SMARCA4: variants seen among roughly 807,000 people sequenced by gnomAD.
SMARCA4 encodes the protein SWI/SNF related BAF chromatin remodeling complex subunit ATPase 4.
In SMARCA4, 31 loss-of-function variants were observed where a neutral mutation model predicts 193.9. That is an observed-to-expected ratio of 0.16 (90% CI 0.12 to 0.22). The LOEUF (loss-of-function observed/expected upper bound fraction) is 0.22. Ranked by LOEUF, SMARCA4 falls within the 10% of genes least tolerant of loss-of-function variation. SMARCA4 has a pLI of 1.00. For synonymous variants in SMARCA4, 942 were observed against 933.1 expected (o/e 1.01, Z -0.17); for missense variants, 1,148 against 2,296.0 (o/e 0.50, Z 10.22).
Position 11,030,599 on chromosome 19 carries a change from G to A in SMARCA4, c.3383-131G>A. The A allele has an allele frequency of 1.2e-6, 1 of 815,872 alleles. No homozygotes were observed. Among genetic ancestry groups the A allele is most frequent in the East Asian group, 2.7e-5 (1 of 37,492 alleles). 50.5% of individuals were successfully genotyped at this position (815,872 alleles called of 1,614,324 possible). On this transcript the variant is annotated intron_variant, in intron 24 of 34. Transcript: ENST00000344626. This position sits in a 1 kb window ranked among gnomAD's most constrained non-coding sequence, Gnocchi z 5.5. ...TGGCCCACAGGCCCGTGTGGAGAGT[G>A]CGGAGCCAGGGATCTGGGGATGCTG... is the stretch of plus-strand genomic sequence containing the variant.
chr19:11,014,848 T>C (rs1048613948), intron 16 of SMARCA4, among the ~76,000 whole-genome samples: 2 of 152,136 alleles, frequency 1.3e-5, no homozygotes, highest in Non-Finnish European at 2.9e-5. Context: ...AGTCTCGCAC[T>C]GTTGACCAGC....
rs1433314351 is a variant in SMARCA4, at chr19:10,984,496, T to G, written c.222+123T>G. Reference sequence around the variant, plus strand: ...GCCTTCTTGTTGGAGGTGTCCTGCCTTGGCTCAGCCCCCTACCCCAGGGCC... The same window carrying G: ...GCCTTCTTGTTGGAGGTGTCCTGCCGTGGCTCAGCCCCCTACCCCAGGGCC... On this transcript the variant is annotated intron_variant, in intron 2 of 34. Coordinates refer to ENST00000344626, the MANE Select transcript of SMARCA4 (RefSeq NM_003072.5). This position sits in a 1 kb window ranked among gnomAD's most constrained non-coding sequence, Gnocchi z 4.3. 6 of 1,513,406 alleles carry G rather than the reference T, an allele frequency of 4.0e-6. No homozygotes were observed. Among genetic ancestry groups the G allele is most frequent in the Middle Eastern group, 2.3e-4 (1 of 4,302 alleles). The allele number at this position is 1,513,406 out of a possible 1,614,324, so 93.7% of individuals were successfully genotyped here. A position where few individuals can be genotyped will look rare whatever the true frequency, so the allele number is the denominator to read the frequency against.
intron 30 of SMARCA4, among the ~76,000 whole-genome samples, chr19:11,048,112 TGAG>T (rs1275753247): frequency 6.6e-6 from 1 of 152,214 alleles, no homozygotes; most frequent in African/African-American, 2.4e-5. Flanking sequence ...TGCACCAGGC[TGAG>T]AAGAGCTTGA....
intron 1 of SMARCA4, among the ~76,000 whole-genome samples, chr19:10,968,864 G>A (rs2084448906): frequency 6.6e-6 from 1 of 152,166 alleles, no homozygotes; most frequent in Admixed American, 6.5e-5. Context: ...CCCCTGTGAT[G>A]ATCAAATGTG....
At chr19:10,974,588 CAG>C (rs1255848445) in intron 1 of SMARCA4, among the ~76,000 whole-genome samples, 3 of 141,808 alleles carry the variant, frequency 2.1e-5, no homozygotes, top group African/African-American at 5.3e-5. Context: ...CACATGCCAT[CAG>C]AGAGAGCTAC....
chr19:10,983,626 G>T (rs1267186141), intron 1 of SMARCA4: 1 of 167,384 alleles, frequency 6.0e-6, no homozygotes, highest in Admixed American at 5.6e-5. Context: ...GTAGAGATGG[G>T]GTTCGCCTTG....
intron 8 of SMARCA4, among the ~76,000 whole-genome samples, chr19:10,992,509 C>T (rs1436751454): frequency 6.6e-6 from 1 of 150,872 alleles, no homozygotes; most frequent in African/African-American, 2.4e-5. Flanking sequence ...ACTGCAACCT[C>T]TGCCTCCTGG....
At chr19:10,998,889 T>G (rs2087342808) in intron 11 of SMARCA4, among the ~76,000 whole-genome samples, 1 of 151,174 alleles carries the variant, frequency 6.6e-6, no homozygotes, top group Non-Finnish European at 1.5e-5. Context: ...CAGGGAGTCC[T>G]GGTTCCTTTT....
chr19:11,034,188 T>C lies in SMARCA4; in HGVS notation c.3939T>C (p.Phe1313=), dbSNP rs773826719. Residue 1313 remains phenylalanine, a synonymous_variant, in exon 28 of 35, where the codon TTT becomes TTC. Coordinates refer to ENST00000344626, the MANE Select transcript of SMARCA4 (RefSeq NM_003072.5). This position sits in a 1 kb window ranked among gnomAD's most constrained non-coding sequence, Gnocchi z 7.0. The part of the protein sequence containing the change: ...NQMIARHEEE[F]DLFMRMDLDR... ...TGATCGCCCGGCACGAGGAGGAGTT[T>C]GATCTGTTCATGGTAAGCGCTGCAG... is the stretch of plus-strand genomic sequence containing the variant. 1 of 1,613,644 alleles carries C rather than the reference T, an allele frequency of 6.2e-7. No individual in the cohort carries two copies. The highest frequency in any genetic ancestry group is 1.7e-5 in the Admixed American group (1 of 60,022).
intron 23 of SMARCA4, among the ~76,000 whole-genome samples, chr19:11,027,572 C>T (rs542561242): frequency 6.6e-5 from 10 of 152,308 alleles, no homozygotes; most frequent in East Asian, 1.9e-4. Flanking sequence ...CCTGGTGATA[C>T]GCCTCCCCAG....
chr19:11,048,826 G>T (rs1415920782), intron 30 of SMARCA4, among the ~76,000 whole-genome samples: 1 of 152,186 alleles, frequency 6.6e-6, no homozygotes, highest in Admixed American at 6.5e-5. Context: ...CCTCTGTGTT[G>T]ACCTCATCAT....
In SMARCA4 at chr19:11,021,260, G is replaced by T. The variant is rs148951786; in HGVS notation, c.2617-465G>T. The T allele has an allele frequency of 7.3e-3, 2,413 of 332,602 alleles. 28 individuals are homozygous for T. The highest frequency in any genetic ancestry group is 9.6e-3 in the Non-Finnish European group (1,606 of 167,922). 20.6% of individuals were successfully genotyped at this position (332,602 alleles called of 1,614,324 possible). ...CCCGCATGGCCCTGTATGTAGTGGC[G>T]CTGGCCCCTACCCCATGGGGCCCAC... is the stretch of plus-strand genomic sequence containing the variant. On this transcript the variant is annotated intron_variant, in intron 18 of 34. Coordinates refer to ENST00000344626, the MANE Select transcript of SMARCA4 (RefSeq NM_003072.5).
Position 11,033,012 on chromosome 19 carries a change from TG to T in SMARCA4, c.3547-272del. 2 of 548,452 alleles carry T rather than the reference TG, an allele frequency of 3.6e-6. No individual in the cohort carries two copies. The highest frequency in any genetic ancestry group is 2.0e-5 in the South Asian group (1 of 50,688). The allele number at this position is 548,452 out of a possible 1,614,324, so 34.0% of individuals were successfully genotyped here. Reference sequence around the variant, plus strand: ...GGAGCTGCTTGAGAATATAATCCCCTGGGGGGTTGGTGCTTTCTTCCCGAAT... The same window carrying T: ...GGAGCTGCTTGAGAATATAATCCCCTGGGGGTTGGTGCTTTCTTCCCGAAT... On this transcript the variant is annotated intron_variant, in intron 25 of 34. Coordinates refer to ENST00000344626, the MANE Select transcript of SMARCA4 (RefSeq NM_003072.5). The surrounding 1 kb of genome is among the most constrained non-coding windows in gnomAD (Gnocchi z 9.8).
chr19:11,056,633 A>T (rs2076562274), intron 30 of SMARCA4, among the ~76,000 whole-genome samples: 1 of 152,148 alleles, frequency 6.6e-6, no homozygotes, highest in African/African-American at 2.4e-5. Context: ...CCCAGCAAGC[A>T]GGGGATGATG....
chr19:10,999,812 A>G (rs2087451658), intron 11 of SMARCA4, among the ~76,000 whole-genome samples: 1 of 152,218 alleles, frequency 6.6e-6, no homozygotes, highest in Non-Finnish European at 1.5e-5. Context: ...TCCATTTTAG[A>G]ATACACAGAA....
In SMARCA4 at chr19:11,030,717, C is replaced by T. The variant is rs2074868828; in HGVS notation, c.3383-13C>T. The T allele has an allele frequency of 3.1e-6, 5 of 1,609,788 alleles. No individual in the cohort carries two copies. The highest frequency in any genetic ancestry group is 1.1e-5 in the South Asian group (1 of 90,212). ...GTCACCCCGCTGACCCTGTTCTCCTCTGTGCCCGTCAGGAACCACGAAGGC... is the reference window on the plus strand; with the variant it reads ...GTCACCCCGCTGACCCTGTTCTCCTTTGTGCCCGTCAGGAACCACGAAGGC... On this transcript the variant is annotated splice_polypyrimidine_tract_variant and intron_variant, in intron 24 of 34. Transcript: ENST00000344626. This position sits in a 1 kb window ranked among gnomAD's most constrained non-coding sequence, Gnocchi z 5.5.
intron 9 of SMARCA4, among the ~76,000 whole-genome samples, chr19:10,995,716 G>A (rs551955383): frequency 1.5e-4 from 23 of 152,290 alleles, no homozygotes; most frequent in Admixed American, 1.4e-3. Context: ...GGCAGGAGGT[G>A]AGGTCAGAGC....
At chr19:11,002,523 A>G (rs1345136951) in intron 11 of SMARCA4, among the ~76,000 whole-genome samples, 2 of 151,840 alleles carry the variant, frequency 1.3e-5, no homozygotes, top group African/African-American at 4.8e-5. Context: ...TGGGCCGAGC[A>G]TAGTGGCTCA....
rs189832113 is a variant in SMARCA4, at chr19:11,019,991, C to T, written c.2616+290C>T. Among the ~76,000 whole-genome samples the T allele has an allele frequency of 3.9e-5, 6 of 152,378 alleles. No homozygotes were observed. The South Asian group carries it at 6.2e-4, about 16-fold the overall frequency. On this transcript the variant is annotated intron_variant, in intron 18 of 34. Transcript: ENST00000344626. The surrounding 1 kb of genome is among the most constrained non-coding windows in gnomAD (Gnocchi z 6.1). Reference sequence around the variant, plus strand: ...TGCCCAGAGAGCCTCAGCACCAAGGCGTCTCCTGACCCGCCTACAGAGTCC... The same window carrying T: ...TGCCCAGAGAGCCTCAGCACCAAGGTGTCTCCTGACCCGCCTACAGAGTCC...
Sources: allele counts gnomAD v4.1 joint callset (sites outside exome capture counted in the v4.1 genomes callset), GRCh38; gene constraint gnomAD v4.1.1; non-coding constraint Gnocchi (gnomAD v3.1); transcripts MANE v1.5; gene names NCBI Gene and HGNC (gene_info 2026-07-23, HGNC 2026-07-21).